Variants in SPTLC2 observed in about 807,000 individuals in gnomAD.
The protein encoded by SPTLC2 is serine palmitoyltransferase 2.
Under a neutral mutation model 62.0 loss-of-function variants are expected in SPTLC2, and 21 were observed. The ratio of observed to expected loss-of-function variants is 0.34; its 90% CI spans 0.24 to 0.49. The LOEUF is 0.49. SPTLC2 is among the 20% of genes least tolerant of loss of function. SPTLC2 has a pLI of 0.99. For missense variants in SPTLC2, 511 were observed against 713.0 expected (o/e 0.72, Z 3.23); for synonymous variants, 261 against 261.8 (o/e 1.00, Z 0.03).
chr14:77,526,968 G>A (rs1156329893), intron 9 of SPTLC2, among the ~76,000 whole-genome samples: 2 of 151,742 alleles, frequency 1.3e-5, no homozygotes, highest in Admixed American at 6.6e-5. Context: ...CTAATTTTTT[G>A]TATTTTTAGT....
At chr14:77,574,210 G>A (rs1594998962) in intron 4 of SPTLC2, among the ~76,000 whole-genome samples, 1 of 152,286 alleles carries the variant, frequency 6.6e-6, no homozygotes, top group East Asian at 1.9e-4. Context: ...TTAGAAGAAG[G>A]TCATATCTAT....
intron 9 of SPTLC2, chr14:77,547,832 G>A (rs1252724785): frequency 6.7e-6 from 1 of 148,952 alleles, no homozygotes; most frequent in Non-Finnish European, 1.5e-5. Context: ...CTCCTGAGTA[G>A]CTGGGACTCC....
chr14:77,541,929 C>T (rs1001434656), intron 9 of SPTLC2, among the ~76,000 whole-genome samples: 5 of 151,982 alleles, frequency 3.3e-5, no homozygotes, highest in Admixed American at 1.3e-4. Flanking sequence ...TAGTGGCACG[C>T]GCCTGTAGTC....
Position 77,552,127 on chromosome 14 carries a change from C to T in SPTLC2, c.1272G>A (p.Lys424=), listed in dbSNP as rs1403691890. 2 of 1,614,040 alleles carry T rather than the reference C, an allele frequency of 1.2e-6. No individual in the cohort carries two copies. Among genetic ancestry groups the T allele is most frequent in the East Asian group, 2.2e-5 (1 of 44,896 alleles). Residue 424 remains lysine, a synonymous_variant, in exon 9 of 12, where the codon AAG becomes AAA. Coordinates refer to ENST00000216484, the MANE Select transcript of SPTLC2 (RefSeq NM_004863.4). ...PVVEQIITSM[K]CIMGQDGTSL... is the part of the protein sequence containing the mutation. ...TGGTGCCATCCTGCCCCATGATGCA[C>T]TTCATGGAGGTGATGATCTGCTCCA... is the stretch of plus-strand genomic sequence containing the variant.
intron 9 of SPTLC2, among the ~76,000 whole-genome samples, chr14:77,534,216 A>ACGCACG (rs1555373968): frequency 6.8e-6 from 1 of 146,478 alleles, no homozygotes; most frequent in Non-Finnish European, 1.5e-5. Flanking sequence ...ACACACACAC[A>ACGCACG]CACAAATGCA....
chr14:77,581,480 G>A (rs11159280), intron 2 of SPTLC2, among the ~76,000 whole-genome samples: 65,249 of 144,574 alleles, frequency 0.45, 15,044 homozygotes, highest in Admixed American at 0.52. Flanking sequence ...GTGTGATCTC[G>A]CCTCACTGCA....
At chr14:77,583,429 A>G (rs1186414502) in intron 2 of SPTLC2, among the ~76,000 whole-genome samples, 2 of 152,012 alleles carry the variant, frequency 1.3e-5, no homozygotes, top group African/African-American at 4.8e-5. Context: ...TAATCTTTTC[A>G]TTCATTCATT....
chr14:77,576,988 G>A (rs964808298), intron 3 of SPTLC2, 73 bp from the exon 4 acceptor site: 4 of 1,552,708 alleles, frequency 2.6e-6, no homozygotes, highest in South Asian at 1.1e-5. Context: ...AAATGAACTG[G>A]TGACACAAAA....
At chr14:77,521,922 A>C (rs2079386713) in intron 9 of SPTLC2, among the ~76,000 whole-genome samples, 1 of 152,206 alleles carries the variant, frequency 6.6e-6, no homozygotes, top group Non-Finnish European at 1.5e-5. Context: ...TTCATATTAT[A>C]GGTGGGGAGA....
At chr14:77,533,191 T>G (rs556757992) in intron 9 of SPTLC2, among the ~76,000 whole-genome samples, 1 of 151,928 alleles carries the variant, frequency 6.6e-6, no homozygotes, top group African/African-American at 2.4e-5. Context: ...TTCCAGCTAC[T>G]TGGGAGGCTG....
chr14:77,565,321 T>C (rs1443568622), intron 5 of SPTLC2, among the ~76,000 whole-genome samples: 5 of 149,026 alleles, frequency 3.4e-5, no homozygotes, highest in African/African-American at 1.2e-4. Flanking sequence ...ATACTAAAGT[T>C]AGTGGGTGAA....
At chr14:77,604,723 C>T (rs1006686722) in intron 1 of SPTLC2, among the ~76,000 whole-genome samples, 2 of 151,782 alleles carry the variant, frequency 1.3e-5, no homozygotes, top group Non-Finnish European at 2.9e-5. Flanking sequence ...CAAAATTAGC[C>T]GGGCGTGGTG....
intron 1 of SPTLC2, among the ~76,000 whole-genome samples, chr14:77,603,604 A>C (rs951034821): frequency 6.6e-6 from 1 of 152,166 alleles, no homozygotes; most frequent in African/African-American, 2.4e-5. Flanking sequence ...TAGGCAGCAT[A>C]AATTCCTTAG....
At position 77,536,574 on chromosome 14, in the gene SPTLC2, A is replaced by C. The variant is rs545816041; in HGVS notation, c.1304-14993T>G. On this transcript the variant is annotated intron_variant, in intron 9 of 11. Coordinates refer to ENST00000216484, the MANE Select transcript of SPTLC2 (RefSeq NM_004863.4). ...ATCACTCAAAAAGAAACCAGTATCC[A>C]TTAGCAATACCCCTTTTCATCCTAG... 3.5e-4 allele frequency among the ~76,000 whole-genome samples: 54 copies of C among 152,318 alleles called. 1 individual carries two copies. Among genetic ancestry groups the C allele is most frequent in the Middle Eastern group, 6.8e-3 (2 of 294 alleles).
intron 2 of SPTLC2, among the ~76,000 whole-genome samples, chr14:77,591,833 C>T (rs550996982): frequency 9.9e-5 from 15 of 152,146 alleles, no homozygotes; most frequent in South Asian, 2.1e-4. Flanking sequence ...AAGTGATTCT[C>T]GTGCCTCAGC....
intron 5 of SPTLC2, among the ~76,000 whole-genome samples, chr14:77,565,397 G>C (rs2079639575): frequency 6.6e-6 from 1 of 152,022 alleles, no homozygotes; most frequent in South Asian, 2.1e-4. Flanking sequence ...TGATTACAAA[G>C]AGAAAAGCAG....
intron 2 of SPTLC2, among the ~76,000 whole-genome samples, chr14:77,586,466 G>A (rs10151712): frequency 0.49 from 74,738 of 151,966 alleles, 18,462 homozygotes; most frequent in Admixed American, 0.53. Context: ...ACAGATACTC[G>A]AACAAGTACT....
intron 2 of SPTLC2, among the ~76,000 whole-genome samples, chr14:77,594,003 GAATATTCTATTGAA>G (rs1292767026): frequency 6.6e-6 from 1 of 152,096 alleles, no homozygotes; most frequent in African/African-American, 2.4e-5. Context: ...TATCTACTGG[GAATATTCTATTGAA>G]ATGAATTTGA....
At chr14:77,594,718 G>T (rs1233129718) in intron 2 of SPTLC2, among the ~76,000 whole-genome samples, 2 of 152,102 alleles carry the variant, frequency 1.3e-5, no homozygotes. Flanking sequence ...TCATGCCTTT[G>T]CCTATACTAT....
Sources: allele counts gnomAD v4.1 joint callset (sites outside exome capture counted in the v4.1 genomes callset), GRCh38; gene constraint gnomAD v4.1.1; transcripts MANE v1.5; gene names NCBI Gene and HGNC (gene_info 2026-07-23, HGNC 2026-07-21).